The following LMX1A variants were observed in gnomAD, a reference collection of about 807,000 sequenced individuals.
LMX1A encodes the protein LIM homeobox transcription factor 1 alpha, also known as LIM homeobox transcription factor 1-alpha.
In LMX1A, 15 loss-of-function variants were observed where a neutral mutation model predicts 49.1. The ratio of observed to expected loss-of-function variants is 0.31; its 90% CI spans 0.20 to 0.47. The LOEUF (loss-of-function observed/expected upper bound fraction) is 0.47, where lower values mean the gene tolerates loss of function less well. Among genes scored for constraint, LMX1A ranks in the 20% least tolerant of loss-of-function variants. The pLI is 1.00. For synonymous variants in LMX1A, 167 were observed against 185.7 expected, an observed-to-expected ratio of 0.90 and a Z score of 0.82; for missense variants, 372 against 475.8, an observed-to-expected ratio of 0.78 and a Z score of 2.03.
At chr1:165,294,322 T>C (rs1654556686) in intron 3 of LMX1A, among the ~76,000 whole-genome samples, 1 of 152,234 alleles carries the variant, frequency 6.6e-6, no homozygotes, top group Admixed American at 6.5e-5. Context: ...AACTCAACCA[T>C]ACTTGATGGT....
At chr1:165,277,157 T>C (rs541955615) in intron 3 of LMX1A, among the ~76,000 whole-genome samples, 1 of 152,346 alleles carries the variant, frequency 6.6e-6, no homozygotes, top group South Asian at 2.1e-4. Flanking sequence ...TGTGGGTTTG[T>C]TGGTAAAAGA....
chr1:165,216,719 A>T (rs1651657254), intron 4 of LMX1A, among the ~76,000 whole-genome samples: 4 of 152,252 alleles, frequency 2.6e-5, no homozygotes, highest in Admixed American at 2.6e-4. Context: ...TTGATAACAT[A>T]ACTAATGAAA....
Position 165,355,518 on chromosome 1 carries a change from C to T in LMX1A, c.42G>A (p.Ala14=). ...AGGAGAAGGAGGCCGAGGTGTCGATCGCGCTTTGGAAGTTCTCCTCCATCT... is the reference window on the plus strand; with the variant it reads ...AGGAGAAGGAGGCCGAGGTGTCGATTGCGCTTTGGAAGTTCTCCTCCATCT... ...GLKMEENFQS[A]IDTSASFSSL... is the part of the protein sequence containing the mutation. Residue 14 remains alanine (A), a synonymous_variant, in exon 2 of 9, where the codon GCG becomes GCA. Coordinates refer to ENST00000342310, the MANE Select transcript of LMX1A (RefSeq NM_177398.4). This position sits in a 1 kb window ranked among gnomAD's most constrained non-coding sequence, Gnocchi z 4.7. The T allele has an allele frequency of 6.2e-7, 1 of 1,614,012 alleles. No homozygotes were observed. Among genetic ancestry groups the T allele is most frequent in the Middle Eastern group, 1.6e-4 (1 of 6,062 alleles).
intron 4 of LMX1A, among the ~76,000 whole-genome samples, chr1:165,216,626 C>T (rs1651653039): frequency 1.3e-5 from 2 of 152,162 alleles, no homozygotes; most frequent in East Asian, 1.9e-4. Context: ...AAACCTCATC[C>T]CTCATACCAG....
chr1:165,299,770 T>TAAA (rs35840243), intron 3 of LMX1A, among the ~76,000 whole-genome samples: 20,257 of 131,728 alleles, frequency 0.15, 1,783 homozygotes, highest in Middle Eastern at 0.19. Context: ...AGAAACACAC[T>TAAA]AAAAAAAAAA....
At position 165,298,902 on chromosome 1, in the gene LMX1A, G is replaced by A. The variant is rs754233910; in HGVS notation, c.264-49262C>T. 4.5e-4 allele frequency among the ~76,000 whole-genome samples: 68 copies of A among 152,368 alleles called. 1 individual carries two copies. Among genetic ancestry groups the A allele is most frequent in the Middle Eastern group, 6.8e-3 (2 of 294 alleles). ...AACAGTATGATTTCAGCTATATGAA[G>A]TGTCTGCATGTGAGAAGAGATCAAA... is the stretch of plus-strand genomic sequence containing the variant. On this transcript the variant is annotated intron_variant, in intron 3 of 8. Transcript: ENST00000342310.
At chr1:165,262,110 C>A (rs1322110749) in intron 3 of LMX1A, among the ~76,000 whole-genome samples, 1 of 152,060 alleles carries the variant, frequency 6.6e-6, no homozygotes, top group African/African-American at 2.4e-5. Context: ...TTATGCTCTA[C>A]CTTCTATAAC....
At chr1:165,327,610 G>GGAATC (rs1285588598) in intron 3 of LMX1A, among the ~76,000 whole-genome samples, 7 of 152,202 alleles carry the variant, frequency 4.6e-5, no homozygotes, top group Non-Finnish European at 1.0e-4. Flanking sequence ...CCAGCACTTA[G>GGAATC]GAATCCCCTC....
chr1:165,294,233 C>T (rs187517396), intron 3 of LMX1A, among the ~76,000 whole-genome samples: 62 of 151,770 alleles, frequency 4.1e-4, no homozygotes, highest in Non-Finnish European at 6.8e-4. Context: ...CTAGATACTG[C>T]AGTTACGAGC....
intron 3 of LMX1A, among the ~76,000 whole-genome samples, chr1:165,335,548 C>T (rs1164779610): frequency 6.6e-6 from 1 of 152,066 alleles, no homozygotes. Context: ...TTATTTCCTT[C>T]CTGACAGCTA....
At chr1:165,238,519 A>T (rs959214525) in intron 4 of LMX1A, among the ~76,000 whole-genome samples, 5 of 152,182 alleles carry the variant, frequency 3.3e-5, no homozygotes, top group Non-Finnish European at 7.4e-5. Context: ...AGAGGTACCC[A>T]TGAGAAGTAT....
At chr1:165,292,599 A>G (rs896021194) in intron 3 of LMX1A, among the ~76,000 whole-genome samples, 1 of 152,246 alleles carries the variant, frequency 6.6e-6, no homozygotes, top group Non-Finnish European at 1.5e-5. Context: ...ACTGGTTTGT[A>G]CATTAAAATG....
chr1:165,254,532 G>A (rs545463334), intron 3 of LMX1A, among the ~76,000 whole-genome samples: 13 of 152,268 alleles, frequency 8.5e-5, no homozygotes, highest in African/African-American at 2.9e-4. Context: ...AAGGAGAAAA[G>A]GTGCATGTGG....
At chr1:165,253,612 T>C (rs956674700) in intron 3 of LMX1A, among the ~76,000 whole-genome samples, 1 of 152,190 alleles carries the variant, frequency 6.6e-6, no homozygotes, top group Admixed American at 6.5e-5. Flanking sequence ...TTGGAAGTGC[T>C]TGTGCTGTGT....
intron 3 of LMX1A, among the ~76,000 whole-genome samples, chr1:165,326,526 C>A (rs1013636783): frequency 6.6e-6 from 1 of 152,212 alleles, no homozygotes; most frequent in Non-Finnish European, 1.5e-5. Context: ...CAGGGCCTTA[C>A]AATTCATCTA....
intron 3 of LMX1A, among the ~76,000 whole-genome samples, chr1:165,320,278 G>T (rs755450848): frequency 3.9e-5 from 6 of 152,180 alleles, no homozygotes; most frequent in Admixed American, 1.3e-4. Flanking sequence ...AATACAGTGA[G>T]GATGGCTAAC....
chr1:165,234,029 AAC>A (rs898775090), intron 4 of LMX1A, among the ~76,000 whole-genome samples: 1 of 152,146 alleles, frequency 6.6e-6, no homozygotes, highest in Non-Finnish European at 1.5e-5. Flanking sequence ...CTTTTGAAAA[AAC>A]AGACTGAATA....
At chr1:165,222,500 G>A (rs1651887035) in intron 4 of LMX1A, among the ~76,000 whole-genome samples, 1 of 152,184 alleles carries the variant, frequency 6.6e-6, no homozygotes, top group East Asian at 1.9e-4. Context: ...TAAATTATCT[G>A]AGAAAATTAA....
At chr1:165,333,172 T>G (rs762613407) in intron 3 of LMX1A, among the ~76,000 whole-genome samples, 1 of 152,224 alleles carries the variant, frequency 6.6e-6, no homozygotes, top group Non-Finnish European at 1.5e-5. Context: ...TTGTTTTGTT[T>G]TGATTTGTTT....
Sources: allele counts gnomAD v4.1 joint callset (sites outside exome capture counted in the v4.1 genomes callset), GRCh38; gene constraint gnomAD v4.1.1; non-coding constraint Gnocchi (gnomAD v3.1); transcripts MANE v1.5; gene names NCBI Gene and HGNC (gene_info 2026-07-23, HGNC 2026-07-21).